The following ATG10 variants were observed in gnomAD, a reference collection of about 807,000 sequenced individuals.
The protein encoded by ATG10 is ubiquitin-like-conjugating enzyme ATG10.
In ATG10, 30 loss-of-function variants were observed where a neutral mutation model predicts 32.1. The observed-to-expected ratio is 0.94, with a 90% CI of 0.70 to 1.27. ATG10 has a LOEUF of 1.27. Among genes scored for constraint, ATG10 ranks in the 50% most tolerant of loss-of-function variants. The pLI, the probability that ATG10 is intolerant of heterozygous loss-of-function variation, is 0.00. For synonymous variants in ATG10, 87 were observed against 91.5 expected, an observed-to-expected ratio of 0.95 and a Z score of 0.28; for missense variants, 233 against 262.3, an observed-to-expected ratio of 0.89 and a Z score of 0.77.
At chr5:82,154,477 T>A (rs936299099) in intron 3 of ATG10, among the ~76,000 whole-genome samples, 2 of 152,210 alleles carry the variant, frequency 1.3e-5, no homozygotes, top group African/African-American at 2.4e-5. Context: ...AAGGGAAAGA[T>A]GCCTTTATTT....
chr5:82,007,899 A>G (rs2149690594), intron 2 of ATG10, among the ~76,000 whole-genome samples: 1 of 152,346 alleles, frequency 6.6e-6, no homozygotes, highest in South Asian at 2.1e-4. Flanking sequence ...GTATCCACTT[A>G]AAATTTTAAT....
chr5:82,025,542 G>C (rs1762568867), intron 2 of ATG10, among the ~76,000 whole-genome samples: 1 of 152,138 alleles, frequency 6.6e-6, no homozygotes, highest in Admixed American at 6.6e-5. Flanking sequence ...TGATAAGGGA[G>C]AAAGCTGAAA....
chr5:82,100,000 G>GTTTTTTTT lies in ATG10; in HGVS notation c.216+41417_216+41424dup, dbSNP rs869311526. On this transcript the variant is annotated intron_variant, in intron 3 of 7. Transcript: ENST00000282185. The stretch of plus-strand genomic sequence containing the variant: ...CTGATTTCTTTCTTTCTTTTTCTGT[G>GTTTTTTTT]TTTTTTTTTTTTTTTTTTTTTTTTT... Among the ~76,000 whole-genome samples, 85 of 58,944 alleles carry GTTTTTTTT rather than the reference G, an allele frequency of 1.4e-3. 8 individuals carry two copies. Among genetic ancestry groups the GTTTTTTTT allele is most frequent in the Middle Eastern group, 0.013 (1 of 80 alleles). The allele number at this position is 58,944 out of a possible 152,430, so 38.7% of individuals were successfully genotyped here.
intron 2 of ATG10, among the ~76,000 whole-genome samples, chr5:82,042,164 G>A (rs1311431182): frequency 6.6e-6 from 1 of 152,130 alleles, no homozygotes; most frequent in Non-Finnish European, 1.5e-5. Context: ...TTATCAAGAA[G>A]CATGACTGGG....
At chr5:82,104,344 G>T (rs1467772634) in intron 3 of ATG10, among the ~76,000 whole-genome samples, 1 of 151,972 alleles carries the variant, frequency 6.6e-6, no homozygotes, top group Non-Finnish European at 1.5e-5. Context: ...TCTTTCCATA[G>T]GGTGAATGAA....
intron 5 of ATG10, among the ~76,000 whole-genome samples, chr5:82,192,087 G>A (rs1744685492): frequency 1.3e-5 from 2 of 152,194 alleles, no homozygotes; most frequent in Admixed American, 6.6e-5. Context: ...TGGCATGGAG[G>A]TTGTCTACGT....
At chr5:82,114,496 T>C (rs1241503096) in intron 3 of ATG10, among the ~76,000 whole-genome samples, 1 of 152,108 alleles carries the variant, frequency 6.6e-6, no homozygotes, top group Non-Finnish European at 1.5e-5. Context: ...CTAGTGTTCA[T>C]TGTATAAAAT....
chr5:82,103,109 A>G (rs950284703), intron 3 of ATG10, among the ~76,000 whole-genome samples: 6 of 152,114 alleles, frequency 3.9e-5, no homozygotes, highest in African/African-American at 1.4e-4. Flanking sequence ...ACCACTTTTT[A>G]TTTCTAAAAC....
intron 3 of ATG10, among the ~76,000 whole-genome samples, chr5:82,096,269 T>G (rs1016090943): frequency 2.0e-5 from 3 of 152,220 alleles, no homozygotes; most frequent in African/African-American, 7.2e-5. Context: ...GTCAGATGAT[T>G]TGGGTTTAAA....
intron 5 of ATG10, among the ~76,000 whole-genome samples, chr5:82,241,899 A>G (rs1746819515): frequency 6.6e-6 from 1 of 152,160 alleles, no homozygotes; most frequent in African/African-American, 2.4e-5. Context: ...AGGTCATGGA[A>G]TTGGAACTCC....
In ATG10 at chr5:82,117,079, A is replaced by C. The variant is rs199616949; in HGVS notation, c.217-47320A>C. On this transcript the variant is annotated intron_variant, in intron 3 of 7. Transcript: ENST00000282185. ...GTGCTCATTTGCTCATTTGTTAATT[A>C]ATTTAACAACTTACTATATGTTCTT... 1.1e-4 allele frequency among the ~76,000 whole-genome samples: 17 copies of C among 152,244 alleles called. No individual in the cohort carries two copies. In the East Asian group the frequency reaches 3.3e-3, roughly 29 times the overall value.
intron 2 of ATG10, among the ~76,000 whole-genome samples, chr5:82,025,666 C>A (rs1762573366): frequency 6.6e-6 from 1 of 152,136 alleles, no homozygotes; most frequent in African/African-American, 2.4e-5. Flanking sequence ...GTGTTTTGTA[C>A]AGAAACTTAT....
chr5:81,997,060 C>T (rs1761686946), intron 2 of ATG10, among the ~76,000 whole-genome samples: 2 of 152,162 alleles, frequency 1.3e-5, no homozygotes, highest in Non-Finnish European at 2.9e-5. Context: ...GTGACCCTAC[C>T]CCCTCACCCT....
chr5:82,247,196 A>C (rs1747072959), intron 5 of ATG10, among the ~76,000 whole-genome samples: 1 of 152,074 alleles, frequency 6.6e-6, no homozygotes, highest in Admixed American at 6.6e-5. Context: ...CAAAGTTTGA[A>C]ATTTTTAGCC....
chr5:82,139,816 A>G (rs1766990146), intron 3 of ATG10, among the ~76,000 whole-genome samples: 1 of 135,810 alleles, frequency 7.4e-6, no homozygotes, highest in Non-Finnish European at 1.6e-5. Context: ...CAGCCCGGCC[A>G]GCCACCCCAT....
At chr5:82,176,657 G>A (rs1036703558) in intron 4 of ATG10, among the ~76,000 whole-genome samples, 14 of 152,116 alleles carry the variant, frequency 9.2e-5, no homozygotes, top group Non-Finnish European at 1.8e-4. Flanking sequence ...TAGTGCTTAA[G>A]AGCAGAGTTT....
intron 3 of ATG10, among the ~76,000 whole-genome samples, chr5:82,060,815 T>A (rs1026408960): frequency 6.6e-6 from 1 of 151,764 alleles, no homozygotes; most frequent in Non-Finnish European, 1.5e-5. Flanking sequence ...GAGCTGAGAT[T>A]ACATCATTGG....
chr5:82,216,069 G>C (rs931091880), intron 5 of ATG10, among the ~76,000 whole-genome samples: 5 of 152,104 alleles, frequency 3.3e-5, no homozygotes, highest in Non-Finnish European at 7.4e-5. Context: ...TATAATCGAA[G>C]AGCCAAGGAT....
At chr5:82,039,794 A>ATGAGGCT (rs1466457375) in intron 2 of ATG10, among the ~76,000 whole-genome samples, 1 of 152,190 alleles carries the variant, frequency 6.6e-6, no homozygotes, top group East Asian at 1.9e-4. Flanking sequence ...ATGAAACAAC[A>ATGAGGCT]ATTAAATTAG....
Sources: gnomAD v4.1 joint callset for allele counts (sites outside exome capture counted in the v4.1 genomes callset) on GRCh38, gnomAD v4.1.1 for gene constraint, MANE v1.5 for transcripts, NCBI Gene and HGNC (gene_info 2026-07-23, HGNC 2026-07-21) for gene names.